The following CRB1 variants were observed in gnomAD, a reference collection of about 807,000 sequenced individuals.
CRB1 encodes the protein protein crumbs homolog 1.
In CRB1, 83 loss-of-function variants were observed where a neutral mutation model predicts 120.0. The ratio of observed to expected loss-of-function variants is 0.69; its 90% confidence interval spans 0.58 to 0.83. The LOEUF is 0.83. Among genes scored for constraint, CRB1 ranks in the 40% least tolerant of loss-of-function variants. CRB1 has a pLI of 0.00. For synonymous variants in CRB1, 625 were observed against 612.5 expected (o/e 1.02, Z -0.30); for missense variants, 1,699 against 1,687.6 (o/e 1.01, Z -0.12).
chr1:197,222,941 C>T, the CRB1 span: 6 of 922,884 alleles, frequency 6.5e-6, no homozygotes, highest in South Asian at 7.8e-5. Context: ...TGACGCTCTG[C>T]AAGAGTTTGC....
At chr1:197,363,785 G>T in intron 5 of CRB1, 1 of 687,560 alleles carries the variant, frequency 1.5e-6, no homozygotes, top group South Asian at 1.6e-5. Context: ...GGTCTTTGTG[G>T]CTCTGCAGAA....
At chr1:197,288,547 C>G (rs553050284) in intron 1 of CRB1, among the ~76,000 whole-genome samples, 1 of 151,638 alleles carries the variant, frequency 6.6e-6, no homozygotes, top group Non-Finnish European at 1.5e-5. Flanking sequence ...TAAATTGATC[C>G]AGATGTTAGA....
intron 1 of CRB1, among the ~76,000 whole-genome samples, chr1:197,328,152 T>C (rs1211400064): frequency 6.6e-6 from 1 of 152,230 alleles, no homozygotes; most frequent in East Asian, 1.9e-4. Flanking sequence ...ATTTCAATTA[T>C]AATTTAAAAT....
chr1:197,282,657 A>C (rs1655588964), intron 1 of CRB1, among the ~76,000 whole-genome samples: 1 of 151,914 alleles, frequency 6.6e-6, no homozygotes. Flanking sequence ...CTCTTAAGAA[A>C]CGCACACATA....
At chr1:197,306,896 T>C (rs1657205717) in intron 1 of CRB1, among the ~76,000 whole-genome samples, 1 of 152,224 alleles carries the variant, frequency 6.6e-6, no homozygotes, top group Non-Finnish European at 1.5e-5. Flanking sequence ...ATCTGTATTC[T>C]AGTCACATCA....
At chr1:197,457,783 GT>G (rs1262654127) in intron 11 of CRB1, among the ~76,000 whole-genome samples, 1 of 152,058 alleles carries the variant, frequency 6.6e-6, no homozygotes. Flanking sequence ...TCCTTGACAT[GT>G]TTTTTTGTAT....
intron 1 of CRB1, among the ~76,000 whole-genome samples, chr1:197,302,747 G>GT (rs1558040173): frequency 6.6e-6 from 1 of 152,202 alleles, no homozygotes; most frequent in African/African-American, 2.4e-5. Context: ...ATGGCAAAAT[G>GT]TGGGGGAATA....
upstream of CRB1, among the ~76,000 whole-genome samples, chr1:197,264,249 G>T (rs1654582538): frequency 6.6e-6 from 1 of 152,152 alleles, no homozygotes; most frequent in African/African-American, 2.4e-5. Context: ...TGTCTGAGTT[G>T]TTTCCCTTCA....
chr1:197,210,094 C>T, the CRB1 span, among the ~76,000 whole-genome samples: 31 of 152,350 alleles, frequency 2.0e-4, no homozygotes, highest in African/African-American at 7.5e-4. Context: ...GTCCTGCCCC[C>T]TATTCACCAT....
chr1:197,231,913 C>G, the CRB1 span, among the ~76,000 whole-genome samples: 1 of 152,134 alleles, frequency 6.6e-6, no homozygotes, highest in African/African-American at 2.4e-5. Flanking sequence ...TCCTAATTCT[C>G]GGAACCTGTG....
the CRB1 span, among the ~76,000 whole-genome samples, chr1:197,252,857 T>C: frequency 1.2e-4 from 18 of 151,404 alleles, no homozygotes; most frequent in Admixed American, 3.3e-4. Context: ...ACAGAACAAA[T>C]TCGCCCTTAC....
chr1:197,291,134 A>G, intron 1 of CRB1, among the ~76,000 whole-genome samples: 1 of 151,860 alleles, frequency 6.6e-6, no homozygotes, highest in South Asian at 2.1e-4. Flanking sequence ...GGATGATGAC[A>G]TTTTAAAACT....
chr1:197,230,199 A>G, the CRB1 span, among the ~76,000 whole-genome samples: 1 of 152,198 alleles, frequency 6.6e-6, no homozygotes, highest in African/African-American at 2.4e-5. Flanking sequence ...TTACAATATT[A>G]CTATAAAGTC....
rs375594284 is a variant in CRB1 at position 197,356,186 on chromosome 1, A to T, written c.989-645A>T. ...CAGTTCCAGTTATGTTAAAACAGTC[A>T]CATACACTAAAACTGTATGTATTTC... On this transcript the variant is annotated intron_variant, in intron 4 of 11. Transcript: ENST00000367400. Among the ~76,000 whole-genome samples the T allele has an allele frequency of 7.2e-4, 109 of 152,334 alleles. 1 individual carries two copies. Among genetic ancestry groups the T allele is most frequent in the African/African-American group, 2.3e-3 (95 of 41,582 alleles).
intron 4 of CRB1, among the ~76,000 whole-genome samples, chr1:197,355,784 C>T (rs537431397): frequency 6.6e-6 from 1 of 152,298 alleles, no homozygotes; most frequent in South Asian, 2.1e-4. Flanking sequence ...CCCTCCACAC[C>T]TCCCCGCAGG....
chr1:197,381,630 C>T (rs1571436608), intron 5 of CRB1, among the ~76,000 whole-genome samples: 1 of 152,074 alleles, frequency 6.6e-6, no homozygotes, highest in African/African-American at 2.4e-5. Flanking sequence ...AATTAAGAAC[C>T]TATAGAAAAT....
the CRB1 span, chr1:197,223,163 G>C: frequency 9.6e-7 from 1 of 1,044,006 alleles, no homozygotes; most frequent in Admixed American, 1.7e-5. Context: ...GGCCCTGGCT[G>C]TGATTATCAC....
intron 4 of CRB1, among the ~76,000 whole-genome samples, chr1:197,351,799 C>T (rs1466732769): frequency 6.6e-6 from 1 of 152,138 alleles, no homozygotes; most frequent in African/African-American, 2.4e-5. Flanking sequence ...AGGTTTAGGA[C>T]AGTTCTGCCT....
chr1:197,476,011 G>A (rs1447473374), intron 11 of CRB1, among the ~76,000 whole-genome samples: 1 of 152,060 alleles, frequency 6.6e-6, no homozygotes, highest in Non-Finnish European at 1.5e-5. Context: ...TCGGGTTCAA[G>A]CGATTCTTCT....
Sources: gnomAD v4.1 joint callset for allele counts (sites outside exome capture counted in the v4.1 genomes callset) on GRCh38, gnomAD v4.1.1 for gene constraint, MANE v1.5 for transcripts, NCBI Gene and HGNC (gene_info 2026-07-23, HGNC 2026-07-21) for gene names.